The following TBC1D24 variants were observed in gnomAD, a reference collection of about 807,000 sequenced individuals.
The protein encoded by TBC1D24 is TBC1 domain family member 24, also known as Infantile myoclonic epilepsy.
TBC1D24 carries 47 observed loss-of-function variants against 50.7 expected under a neutral mutation model. The observed-to-expected ratio is 0.93, with a 90% confidence interval of 0.73 to 1.18. The LOEUF (loss-of-function observed/expected upper bound fraction) is 1.18. Among genes scored for constraint, TBC1D24 ranks in the 50% most tolerant of loss-of-function variants. The probability of loss-of-function intolerance (pLI) is 0.00; values close to 1 mark genes in which losing one functional copy is unlikely to be tolerated. For synonymous variants in TBC1D24, 324 were observed against 335.2 expected, an observed-to-expected ratio of 0.97 and a Z score of 0.36; for missense variants, 688 against 766.5, an observed-to-expected ratio of 0.90 and a Z score of 1.21.
Position 2,496,086 on chromosome 16 carries a change from G to T in TBC1D24, c.-63G>T. ...GAAACCCTCAGAAAGGGGGCTGGAG[G>T]ATTTAGCCACTCTGTCCTCCCCTTC... On this transcript the variant is annotated 5_prime_UTR_variant, in exon 2 of 8. Coordinates refer to ENST00000646147, the MANE Select transcript of TBC1D24 (RefSeq NM_001199107.2). The T allele has an allele frequency of 6.2e-7, 1 of 1,603,748 alleles. No individual in the cohort carries two copies. Among genetic ancestry groups the T allele is most frequent in the South Asian group, 1.1e-5 (1 of 90,068 alleles).
chr16:2,485,649 G>C lies in TBC1D24; in HGVS notation c.-115-10385G>C, dbSNP rs1180947304. On this transcript the variant is annotated intron_variant, in intron 1 of 7. Transcript: ENST00000646147. The surrounding 1 kb of genome is among the most constrained non-coding windows in gnomAD (Gnocchi z 4.6). ...ACTTCTGACTGGTGTCTGGAGACGT[G>C]GGGGGCTTGTGGGATCTGAGCTATC... is the stretch of plus-strand genomic sequence containing the variant. 1.3e-5 allele frequency: 2 copies of C among 152,176 alleles called. No homozygotes were observed. Among genetic ancestry groups the C allele is most frequent in the South Asian group, 2.1e-4 (1 of 4,828 alleles). The allele number at this position is 152,176 out of a possible 1,614,324, so 9.4% of individuals were successfully genotyped here.
intron 1 of TBC1D24, among the ~76,000 whole-genome samples, chr16:2,489,214 G>A (rs903454966): frequency 3.3e-5 from 5 of 151,972 alleles, no homozygotes; most frequent in Admixed American, 2.0e-4. Flanking sequence ...GGCGGATCAC[G>A]AGGTCAGGAG....
At position 2,498,293 on chromosome 16, in the gene TBC1D24, G is replaced by GT; in HGVS notation, c.1040dup (p.Arg348GlufsTer40). On this transcript the variant is annotated frameshift_variant, in exon 4 of 8. Transcript: ENST00000646147. LOFTEE classifies it high-confidence loss of function. ...GAACTTCCGCTCGGAGATCGTCAGCGTGAGGGAGATGAGAGACATCTGGTC... is the reference window on the plus strand; with the variant it reads ...GAACTTCCGCTCGGAGATCGTCAGCGTTGAGGGAGATGAGAGACATCTGGTC... 1 of 1,611,758 alleles carries GT rather than the reference G, an allele frequency of 6.2e-7. No individual in the cohort carries two copies. The highest frequency in any genetic ancestry group is 8.5e-7 in the Non-Finnish European group (1 of 1,178,964).
chr16:2,492,550 G>A (rs1567409224), intron 1 of TBC1D24, among the ~76,000 whole-genome samples: 1 of 152,198 alleles, frequency 6.6e-6, no homozygotes, highest in Non-Finnish European at 1.5e-5. Flanking sequence ...TTCCTCCAGA[G>A]GCTAGTGGGC....
rs1025669298 is a variant in TBC1D24, at chr16:2,483,333, C to T, written c.-116+8163C>T. 6.6e-6 allele frequency: 1 copy of T among 152,400 alleles called. No individual in the cohort carries two copies. The highest frequency in any genetic ancestry group is 2.4e-5 in the African/African-American group (1 of 41,558). 9.4% of individuals were successfully genotyped at this position (152,400 alleles called of 1,614,324 possible). ...TCTCCCCTCGGCCGTTCTCGTGCCT[C>T]GGGCTCACTTCCTCGTGCAGTTTAT... On this transcript the variant is annotated intron_variant, in intron 1 of 7. Coordinates refer to ENST00000646147, the MANE Select transcript of TBC1D24 (RefSeq NM_001199107.2). This position sits in a 1 kb window ranked among gnomAD's most constrained non-coding sequence, Gnocchi z 4.0.
At chr16:2,491,695 C>T (rs1269526784) in intron 1 of TBC1D24, among the ~76,000 whole-genome samples, 2 of 152,106 alleles carry the variant, frequency 1.3e-5, no homozygotes, top group Admixed American at 6.6e-5. Context: ...GCTGGGACTA[C>T]AGGCATGTGC....
chr16:2,494,148 T>C (rs1367531966), intron 1 of TBC1D24, among the ~76,000 whole-genome samples: 1 of 152,170 alleles, frequency 6.6e-6, no homozygotes, highest in African/African-American at 2.4e-5. Context: ...GCGTGGTGGC[T>C]CACGCCTGTA....
rs757291941 is a variant in TBC1D24 at position 2,487,226 on chromosome 16, G to A, written c.-115-8808G>A. On this transcript the variant is annotated intron_variant, in intron 1 of 7. Coordinates refer to ENST00000646147, the MANE Select transcript of TBC1D24 (RefSeq NM_001199107.2). This position sits in a 1 kb window ranked among gnomAD's most constrained non-coding sequence, Gnocchi z 4.1. Reference sequence around the variant, plus strand: ...CACAGCAGCAGGCACAGCCCTGCCCGTGGGGTTCCCCTAGCACTTCCCCAG... The same window carrying A: ...CACAGCAGCAGGCACAGCCCTGCCCATGGGGTTCCCCTAGCACTTCCCCAG... Among the ~76,000 whole-genome samples, 1 of 152,214 alleles carries A rather than the reference G, an allele frequency of 6.6e-6. No individual in the cohort carries two copies. The highest frequency in any genetic ancestry group is 1.5e-5 in the Non-Finnish European group (1 of 68,034).
rs753297699 is a variant in TBC1D24, at chr16:2,504,305, G to A, written c.*3347G>A. 2.6e-5 allele frequency: 4 copies of A among 151,788 alleles called. No homozygotes were observed. The highest frequency in any genetic ancestry group is 2.0e-4 in the Admixed American group (3 of 15,220). 9.4% of individuals were successfully genotyped at this position (151,788 alleles called of 1,614,324 possible). On this transcript the variant is annotated 3_prime_UTR_variant, in exon 8 of 8. Coordinates refer to ENST00000646147, the MANE Select transcript of TBC1D24 (RefSeq NM_001199107.2). ...TGATTTGCAGAAGAGTTGCAGAGAC[G>A]GTACAGGGTTTCCATGTACCCTCAC... is the stretch of plus-strand genomic sequence containing the variant.
chr16:2,481,263 A>G (rs548285563), intron 1 of TBC1D24: 4 of 152,386 alleles, frequency 2.6e-5, no homozygotes, highest in African/African-American at 9.6e-5. Context: ...AATGATTAGG[A>G]CCGGGCGTGG....
chr16:2,492,521 A>C (rs1056447551), intron 1 of TBC1D24, among the ~76,000 whole-genome samples: 10 of 152,152 alleles, frequency 6.6e-5, no homozygotes, highest in African/African-American at 2.4e-4. Flanking sequence ...TCTTTCACCC[A>C]AACAGGATGG....
Position 2,501,337 on chromosome 16 carries a change from T to A in TBC1D24, c.*379T>A. 1 of 288,594 alleles carries A rather than the reference T, an allele frequency of 3.5e-6. No individual in the cohort carries two copies. 17.9% of individuals were successfully genotyped at this position (288,594 alleles called of 1,614,324 possible). ...CCCTGGGGTGGGAGTACAACGGCAG[T>A]GGGAACGTGCAGCTAAGGGTGGGCC... On this transcript the variant is annotated 3_prime_UTR_variant, in exon 8 of 8. Coordinates refer to ENST00000646147, the MANE Select transcript of TBC1D24 (RefSeq NM_001199107.2).
chr16:2,497,096 C>A lies in TBC1D24; in HGVS notation c.948C>A (p.Ile316=). 6.2e-7 allele frequency: 1 copy of A among 1,604,680 alleles called. No homozygotes were observed. The change falls in exon 2 of 8, where the codon ATC becomes ATA. Residue 316 remains isoleucine (I), a synonymous_variant. Transcript: ENST00000646147. ...AGAAAGCCCTGAAGCAGAAGGGCAT[C>A]ACCGTGAAGCAGAAGAGGTAGGTCG... The part of the protein sequence containing the change: ...ANEKALKQKG[I]TVKQKSVSLS...
At position 2,487,350 on chromosome 16, in the gene TBC1D24, G is replaced by A. The variant is rs1311570250; in HGVS notation, c.-115-8684G>A. Among the ~76,000 whole-genome samples the A allele has an allele frequency of 1.3e-5, 2 of 152,256 alleles. No individual in the cohort carries two copies. The highest frequency in any genetic ancestry group is 2.9e-5 in the Non-Finnish European group (2 of 68,046). On this transcript the variant is annotated intron_variant, in intron 1 of 7. Transcript: ENST00000646147. This position sits in a 1 kb window ranked among gnomAD's most constrained non-coding sequence, Gnocchi z 4.1. ...ATGTGACTAACTGCAGGACGAGGGA[G>A]CCGCGGTCGTATGCTGCCTCCTCAC...
rs1192762923 is a variant in TBC1D24, at chr16:2,505,486, A to G, written c.*4528A>G. On this transcript the variant is annotated 3_prime_UTR_variant, in exon 8 of 8. Transcript: ENST00000646147. Reference sequence around the variant, plus strand: ...TGCTTATGAGCTAAGGATAGAAGGGAAAAAATAGTTGTGTGAATGATTTTA... The same window carrying G: ...TGCTTATGAGCTAAGGATAGAAGGGGAAAAATAGTTGTGTGAATGATTTTA... 1 of 152,226 alleles carries G rather than the reference A, an allele frequency of 6.6e-6. No individual in the cohort carries two copies. Among genetic ancestry groups the G allele is most frequent in the African/African-American group, 2.4e-5 (1 of 41,438 alleles). 9.4% of individuals were successfully genotyped at this position (152,226 alleles called of 1,614,324 possible). A position where few individuals can be genotyped will look rare whatever the true frequency, so the allele number is the denominator to read the frequency against.
chr16:2,492,252 G>A (rs2065701477), intron 1 of TBC1D24, among the ~76,000 whole-genome samples: 1 of 152,062 alleles, frequency 6.6e-6, no homozygotes, highest in South Asian at 2.1e-4. Context: ...GAATCCAAGG[G>A]CTCCCTCGGG....
intron 1 of TBC1D24, among the ~76,000 whole-genome samples, chr16:2,490,685 C>T (rs1038313865): frequency 4.6e-5 from 7 of 152,312 alleles, no homozygotes; most frequent in Middle Eastern, 3.4e-3. Context: ...TTATCGGCTC[C>T]GCTCTGCAGA....
intron 1 of TBC1D24, chr16:2,477,014 G>A (rs1453251402): frequency 6.6e-6 from 1 of 152,192 alleles, no homozygotes; most frequent in Non-Finnish European, 1.5e-5. Flanking sequence ...CTGGTTTAAA[G>A]TACATAAGGA....
Position 2,500,468 on chromosome 16 carries a change from G to C in TBC1D24, c.1503G>C (p.Gly501=), listed in dbSNP as rs368735897. The part of the protein sequence containing the change: ...PSKTESMFMA[G]GSDCLIVGGG... ...AGACCGAGTCCATGTTCATGGCGGGGGGCAGCGACTGCCTCATCGTCGGTG... is the reference window on the plus strand; with the variant it reads ...AGACCGAGTCCATGTTCATGGCGGGCGGCAGCGACTGCCTCATCGTCGGTG... Residue 501 remains glycine (G), a synonymous_variant, in exon 7 of 8, where the codon GGG becomes GGC. Transcript: ENST00000646147. The surrounding 1 kb of genome is among the most constrained non-coding windows in gnomAD (Gnocchi z 8.0). The C allele has an allele frequency of 6.3e-7, 1 of 1,579,798 alleles. No individual in the cohort carries two copies. Among genetic ancestry groups the C allele is most frequent in the Admixed American group, 1.8e-5 (1 of 55,700 alleles).
Sources: gnomAD v4.1 joint callset for allele counts (sites outside exome capture counted in the v4.1 genomes callset) on GRCh38, gnomAD v4.1.1 for gene constraint, Gnocchi (gnomAD v3.1) non-coding constraint, MANE v1.5 for transcripts, NCBI Gene and HGNC (gene_info 2026-07-23, HGNC 2026-07-21) for gene names.